The following TMEM163 variants were observed in gnomAD, a reference collection of about 807,000 sequenced individuals.
TMEM163 encodes the protein transmembrane protein 163.
In TMEM163, 17 loss-of-function variants were observed where a neutral mutation model predicts 29.3. The ratio of observed to expected loss-of-function variants is 0.58; its 90% CI spans 0.40 to 0.87. TMEM163 has a LOEUF of 0.87. TMEM163 is among the 40% of genes least tolerant of loss of function. The pLI, the probability that TMEM163 is intolerant of heterozygous loss-of-function variation, is 0.00. For synonymous variants in TMEM163, 157 were observed against 160.6 expected (o/e 0.98, Z 0.17); for missense variants, 303 against 381.5 (o/e 0.79, Z 1.71).
At chr2:134,588,955 G>A (rs1427535136) in intron 2 of TMEM163, among the ~76,000 whole-genome samples, 1 of 152,146 alleles carries the variant, frequency 6.6e-6, no homozygotes, top group African/African-American at 2.4e-5. Context: ...AGTAGGAAAT[G>A]GGGGACATTT....
At chr2:134,695,298 G>A (rs1318783377) in intron 2 of TMEM163, among the ~76,000 whole-genome samples, 1 of 151,888 alleles carries the variant, frequency 6.6e-6, no homozygotes, top group Admixed American at 6.6e-5. Context: ...GGCTGGTCTC[G>A]AACCCCTGAC....
At chr2:134,465,795 C>A (rs1686658351) in intron 6 of TMEM163, among the ~76,000 whole-genome samples, 1 of 152,162 alleles carries the variant, frequency 6.6e-6, no homozygotes. Flanking sequence ...TTATGGGGAG[C>A]AATGCACATA....
chr2:134,630,071 A>G (rs1009011726), intron 2 of TMEM163, among the ~76,000 whole-genome samples: 4 of 152,204 alleles, frequency 2.6e-5, no homozygotes, highest in African/African-American at 9.7e-5. Context: ...CCACGTGCCT[A>G]CTATGTGTCA....
intron 4 of TMEM163, among the ~76,000 whole-genome samples, chr2:134,512,547 A>G (rs1267868058): frequency 6.6e-6 from 1 of 152,250 alleles, no homozygotes; most frequent in Non-Finnish European, 1.5e-5. Context: ...AGTGAAAAGT[A>G]TGTTCCAGGG....
intron 2 of TMEM163, among the ~76,000 whole-genome samples, chr2:134,562,702 T>C (rs1311535374): frequency 2.0e-5 from 3 of 152,236 alleles, no homozygotes; most frequent in Admixed American, 2.0e-4. Flanking sequence ...TCAAAGTCAT[T>C]TGAAGATTAA....
intron 2 of TMEM163, among the ~76,000 whole-genome samples, chr2:134,650,908 G>A (rs1217950904): frequency 1.5e-5 from 2 of 129,996 alleles, no homozygotes; most frequent in Non-Finnish European, 3.1e-5. Context: ...ATTCCATGGT[G>A]TATATGTGCC....
chr2:134,672,987 C>G (rs1001864264), intron 2 of TMEM163, among the ~76,000 whole-genome samples: 2 of 152,112 alleles, frequency 1.3e-5, no homozygotes, highest in African/African-American at 4.8e-5. Context: ...GCTAGTTTTC[C>G]AAGGCGCAAC....
chr2:134,600,796 C>T (rs1003070783), intron 2 of TMEM163, among the ~76,000 whole-genome samples: 1 of 152,186 alleles, frequency 6.6e-6, no homozygotes, highest in African/African-American at 2.4e-5. Context: ...GAAGTCCTAA[C>T]CATGACTGCA....
intron 4 of TMEM163, among the ~76,000 whole-genome samples, chr2:134,505,389 G>C (rs1417667736): frequency 2.0e-5 from 3 of 152,034 alleles, no homozygotes; most frequent in Non-Finnish European, 4.4e-5. Flanking sequence ...GTCCGGCCTA[G>C]AGTCAGGTGG....
chr2:134,545,456 T>C (rs1276372229), intron 4 of TMEM163, among the ~76,000 whole-genome samples: 1 of 152,172 alleles, frequency 6.6e-6, no homozygotes, highest in Non-Finnish European at 1.5e-5. Context: ...TCTCCAAGCC[T>C]CTTTCTTCCT....
chr2:134,657,664 G>A (rs755664056), intron 2 of TMEM163, among the ~76,000 whole-genome samples: 3 of 151,954 alleles, frequency 2.0e-5, no homozygotes, highest in Non-Finnish European at 2.9e-5. Flanking sequence ...TTAGTTGGGC[G>A]TGGTGGCGCA....
At chr2:134,617,352 T>C (rs989214751) in intron 2 of TMEM163, among the ~76,000 whole-genome samples, 4 of 152,234 alleles carry the variant, frequency 2.6e-5, no homozygotes, top group African/African-American at 9.6e-5. Context: ...GGTTCATGCC[T>C]GTAATCCCAG....
At chr2:134,625,642 A>T (rs943478252) in intron 2 of TMEM163, among the ~76,000 whole-genome samples, 1 of 152,228 alleles carries the variant, frequency 6.6e-6, no homozygotes, top group East Asian at 1.9e-4. Context: ...TCAAAACCCA[A>T]ATAGGTCCTG....
At chr2:134,456,923 C>T in intron 7 of TMEM163, 147 bp from the exon 8 acceptor site, 1 of 796,170 alleles carries the variant, frequency 1.3e-6, no homozygotes, top group Non-Finnish European at 2.0e-6. Context: ...TATATTCATC[C>T]ATTTGTGTTA....
chr2:134,624,774 T>C (rs1230171765), intron 2 of TMEM163, among the ~76,000 whole-genome samples: 1 of 151,824 alleles, frequency 6.6e-6, no homozygotes, highest in African/African-American at 2.4e-5. Flanking sequence ...CCAGGCATGG[T>C]GGCATGAGCC....
intron 2 of TMEM163, among the ~76,000 whole-genome samples, chr2:134,554,287 G>A (rs138333381): frequency 7.9e-5 from 12 of 152,030 alleles, no homozygotes; most frequent in East Asian, 1.9e-4. Flanking sequence ...TAAGCCGGGC[G>A]TGGTGGCGTG....
chr2:134,706,687 G>A (rs1286365383), intron 2 of TMEM163, among the ~76,000 whole-genome samples: 1 of 152,204 alleles, frequency 6.6e-6, no homozygotes, highest in Non-Finnish European at 1.5e-5. Flanking sequence ...GAGCAGGTAC[G>A]TGGGTTTGGG....
At chr2:134,557,114 C>T (rs891602594) in intron 2 of TMEM163, among the ~76,000 whole-genome samples, 12 of 152,202 alleles carry the variant, frequency 7.9e-5, no homozygotes, top group African/African-American at 2.4e-4. Context: ...GTCAGTAAAA[C>T]GCTCTGAGGT....
chr2:134,501,074 A>G (rs524900), intron 5 of TMEM163, among the ~76,000 whole-genome samples: 73,378 of 152,052 alleles, frequency 0.48, 20,584 homozygotes, highest in African/African-American at 0.74. Flanking sequence ...TGGTCACTAT[A>G]CATGATATGT....
Sources: gnomAD v4.1 joint callset for allele counts (sites outside exome capture counted in the v4.1 genomes callset) on GRCh38, gnomAD v4.1.1 for gene constraint, MANE v1.5 for transcripts, NCBI Gene and HGNC (gene_info 2026-07-23, HGNC 2026-07-21) for gene names.